The following HAVCR1 variants were observed in gnomAD, a reference collection of about 807,000 sequenced individuals.
HAVCR1 encodes the protein T cell immunoglobin domain and mucin domain protein 1.
In HAVCR1, 34 loss-of-function variants were observed where a neutral mutation model predicts 32.0. That is an observed-to-expected ratio of 1.06 (90% CI 0.81 to 1.42). The LOEUF (loss-of-function observed/expected upper bound fraction) is 1.42, where lower values mean the gene tolerates loss of function less well. HAVCR1 is among the 40% of genes most tolerant of loss of function. The probability of loss-of-function intolerance (pLI) is 0.00; values close to 1 mark genes in which losing one functional copy is unlikely to be tolerated. For synonymous variants in HAVCR1, 178 were observed against 170.3 expected, an observed-to-expected ratio of 1.05 and a Z score of -0.35; for missense variants, 420 against 442.3, an observed-to-expected ratio of 0.95 and a Z score of 0.45.
Position 157,049,062 on chromosome 5 carries a change from A to G in HAVCR1, c.757T>C (p.Ser253Pro), listed in dbSNP as rs746684727. ...CCTGTTGTGTAAGAGTACAATGGTG[A>G]GCTGGTGGGTTCTCTCCTTATTGCT... Reference protein sequence around the residue: ...QGAIRREPTSSPLYSYTTDGN... With the variant: ...QGAIRREPTSPPLYSYTTDGN... Residue 253 changes from serine to proline, a missense_variant, in exon 5 of 9, where the codon TCA (serine) becomes CCA (proline). Ser to Pro is a moderately conservative substitution (Grantham distance 74). Transcript: ENST00000523175. 2 of 1,605,356 alleles carry G rather than the reference A, an allele frequency of 1.2e-6. No individual in the cohort carries two copies. Among genetic ancestry groups the G allele is most frequent in the Non-Finnish European group, 1.7e-6 (2 of 1,172,082 alleles).
At chr5:157,050,092 C>T (rs1227345655) in intron 4 of HAVCR1, among the ~76,000 whole-genome samples, 2 of 152,190 alleles carry the variant, frequency 1.3e-5, no homozygotes, top group East Asian at 3.8e-4. Flanking sequence ...TCCTTATTGC[C>T]TCTCACTGGT....
chr5:157,053,203 G>A (rs1158041366), intron 3 of HAVCR1, among the ~76,000 whole-genome samples: 1 of 36,418 alleles, frequency 2.7e-5, no homozygotes, highest in African/African-American at 1.1e-4. Context: ...AGACCAGCCT[G>A]GGCAACAGGT....
chr5:157,047,281 G>T (rs1347533590), intron 5 of HAVCR1, among the ~76,000 whole-genome samples: 1 of 152,160 alleles, frequency 6.6e-6, no homozygotes, highest in African/African-American at 2.4e-5. Flanking sequence ...CCTGGGTGCG[G>T]TGGCTCACGC....
At position 157,049,099 on chromosome 5, in the gene HAVCR1, C is replaced by A; in HGVS notation, c.720G>T (p.Thr240=). The A allele has an allele frequency of 6.2e-7, 1 of 1,612,970 alleles. No homozygotes were observed. The highest frequency in any genetic ancestry group is 2.2e-5 in the East Asian group (1 of 44,862). ...SSPQPAETHP[T]TLQGAIRREP... The stretch of plus-strand genomic sequence containing the variant: ...CTCTCCTTATTGCTCCCTGCAGTGT[C>A]GTAGGGTGGGTTTCTGCTGGCTGAG... Residue 240 remains threonine, a synonymous_variant, in exon 5 of 9, where the codon ACG becomes ACT. Transcript: ENST00000523175.
chr5:157,060,565 T>A (rs984900300), upstream of HAVCR1, among the ~76,000 whole-genome samples: 1 of 152,204 alleles, frequency 6.6e-6, no homozygotes, highest in Non-Finnish European at 1.5e-5. Context: ...ATCCATTTTA[T>A]CTGTGTGTGC....
chr5:157,044,621 G>GAAAGAA lies in HAVCR1; in HGVS notation c.782-1945_782-1940dup, dbSNP rs1554090544. Among the ~76,000 whole-genome samples, 199 of 42,670 alleles carry GAAAGAA rather than the reference G, an allele frequency of 4.7e-3. 12 individuals are homozygous for GAAAGAA. Among genetic ancestry groups the GAAAGAA allele is most frequent in the East Asian group, 0.019 (21 of 1,130 alleles). 28.0% of individuals were successfully genotyped at this position (42,670 alleles called of 152,430 possible). On this transcript the variant is annotated intron_variant, in intron 5 of 8. Transcript: ENST00000523175. ...AAAGAAAGAAAGAAAGAAAGAGAAA[G>GAAAGAA]AAAGAAAGAAAGAAAGAAAGAAAGA...
At chr5:157,044,663 AAG>A (rs370722191) in intron 5 of HAVCR1, among the ~76,000 whole-genome samples, 1 of 141,682 alleles carries the variant, frequency 7.1e-6, no homozygotes, top group African/African-American at 2.7e-5. Context: ...GAAAGAAAGA[AAG>A]AAAGAAAGAA....
chr5:157,055,502 T>C lies in HAVCR1; in HGVS notation c.78A>G (p.Gly26=). 1 of 1,593,612 alleles carries C rather than the reference T, an allele frequency of 6.3e-7. No individual in the cohort carries two copies. Among genetic ancestry groups the C allele is most frequent in the Non-Finnish European group, 8.6e-7 (1 of 1,167,042 alleles). ...GTAGTGTGACAGATGGACCTGCCTC[T>C]CCACCAACCTTTACAGAACCAGCTA... ...DSVAGSVKVG[G]EAGPSVTLPC... Residue 26 remains glycine (G), a synonymous_variant, in exon 3 of 9, where the codon GGA becomes GGG. Coordinates refer to ENST00000523175, the MANE Select transcript of HAVCR1 (RefSeq NM_001173393.3).
intron 5 of HAVCR1, among the ~76,000 whole-genome samples, chr5:157,048,691 G>A (rs62382457): frequency 0.016 from 2,414 of 152,148 alleles, 27 homozygotes; most frequent in South Asian, 0.046. Flanking sequence ...TTAGCCGGGC[G>A]TGGTGGCGGG....
At chr5:157,036,924 C>T (rs531382963) in intron 7 of HAVCR1, among the ~76,000 whole-genome samples, 1 of 151,918 alleles carries the variant, frequency 6.6e-6, no homozygotes, top group East Asian at 1.9e-4. Context: ...TGGGGTCCCA[C>T]CATGTTGTTC....
At chr5:157,049,203 G>A (rs1300262560) in intron 4 of HAVCR1, 58 bp from the exon 5 acceptor site, 3 of 1,030,196 alleles carry the variant, frequency 2.9e-6, no homozygotes, top group African/African-American at 1.6e-5. Context: ...TGCACCCCAA[G>A]AAAAATAAAG....
Position 157,052,476 on chromosome 5 carries a change from C to G in HAVCR1, c.558G>C (p.Thr186=), listed in dbSNP as rs115419803. 1,179 of 1,603,040 alleles carry G rather than the reference C, an allele frequency of 7.4e-4. 2 individuals are homozygous for G. The highest frequency in any genetic ancestry group is 9.4e-4 in the Non-Finnish European group (1,108 of 1,173,200). The part of the protein sequence containing the change: ...TTVLTTMTVS[T]TTSVPTTTSI... Reference sequence around the variant, plus strand: ...TCGTTGTCGTTGGAACGCTCGTTGTCGTTGAAACAGTCATTGTCGTCAGAA... The same window carrying G: ...TCGTTGTCGTTGGAACGCTCGTTGTGGTTGAAACAGTCATTGTCGTCAGAA... Residue 186 remains threonine (T), a synonymous_variant, in exon 4 of 9, where the codon ACG becomes ACC. Transcript: ENST00000523175.
intron 3 of HAVCR1, 118 bp downstream of exon 3, chr5:157,055,081 CAA>C: frequency 1.7e-6 from 1 of 591,252 alleles, no homozygotes. Context: ...TTCCCAAGAA[CAA>C]GAGTTTATTT....
At chr5:157,049,195 C>T in intron 4 of HAVCR1, 50 bp from the exon 5 acceptor site, 3 of 1,119,414 alleles carry the variant, frequency 2.7e-6, no homozygotes, top group South Asian at 1.2e-5. Context: ...GGAAAATGTG[C>T]ACCCCAAGAA....
In HAVCR1 at chr5:157,052,477, G is replaced by C; in HGVS notation, c.557C>G (p.Thr186Arg). Residue 186 changes from threonine (T) to arginine (R), a missense_variant, in exon 4 of 9, where the codon ACG (threonine) becomes AGG (arginine). Physicochemically the swap from Thr to Arg is moderately conservative, Grantham distance 71. Transcript: ENST00000523175. ...TTVLTTMTVSTTTSVPTTTSI... is the reference protein window; with the variant it reads ...TTVLTTMTVSRTTSVPTTTSI... ...CGTTGTCGTTGGAACGCTCGTTGTC[G>C]TTGAAACAGTCATTGTCGTCAGAAC... 2 of 1,603,228 alleles carry C rather than the reference G, an allele frequency of 1.2e-6. No homozygotes were observed. The highest frequency in any genetic ancestry group is 1.7e-6 in the Non-Finnish European group (2 of 1,173,272).
chr5:157,029,991 C>A, intron 8 of HAVCR1, 150 bp from the exon 9 acceptor site: 1 of 620,042 alleles, frequency 1.6e-6, no homozygotes, highest in East Asian at 2.8e-5. Flanking sequence ...ATAAATAGTG[C>A]CTTCCAGAGT....
intron 7 of HAVCR1, 161 bp downstream of exon 7, chr5:157,037,086 T>G: frequency 1.6e-6 from 1 of 631,664 alleles, no homozygotes; most frequent in Non-Finnish European, 2.8e-6. Flanking sequence ...CCCTTCCCCC[T>G]TGAGGTAGAT....
At chr5:157,065,920 G>A in the HAVCR1 span, among the ~76,000 whole-genome samples, 5 of 149,554 alleles carry the variant, frequency 3.3e-5, no homozygotes, top group East Asian at 9.8e-4. Context: ...GCCGGGCGTG[G>A]TGGCGGGCGC....
At position 157,057,362 on chromosome 5, in the gene HAVCR1, A is replaced by AAGAGAGAG. The variant is rs140801641; in HGVS notation, c.46+528_46+535dup. ...CTGCACTCCAGAGTGAGACCTCATG[A>AAGAGAGAG]AGAGAGAGAGAGAGAGAGAGAGAGG... On this transcript the variant is annotated intron_variant, in intron 2 of 8. Coordinates refer to ENST00000523175, the MANE Select transcript of HAVCR1 (RefSeq NM_001173393.3). Among the ~76,000 whole-genome samples, 285 of 130,050 alleles carry AAGAGAGAG rather than the reference A, an allele frequency of 2.2e-3. 6 individuals carry two copies. Among genetic ancestry groups the AAGAGAGAG allele is most frequent in the African/African-American group, 8.5e-3 (254 of 29,962 alleles). 85.3% of individuals were successfully genotyped at this position (130,050 alleles called of 152,430 possible). A position where few individuals can be genotyped will look rare whatever the true frequency, so the allele number is the denominator to read the frequency against.
Sources: allele counts gnomAD v4.1 joint callset (sites outside exome capture counted in the v4.1 genomes callset), GRCh38; gene constraint gnomAD v4.1.1; transcripts MANE v1.5; gene names NCBI Gene and HGNC (gene_info 2026-07-23, HGNC 2026-07-21).